The following MITF variants were observed in gnomAD, a reference collection of about 807,000 sequenced individuals.
The protein encoded by MITF is melanocyte inducing transcription factor.
Under a neutral mutation model 60.5 loss-of-function variants are expected in MITF, and 17 were observed. The ratio of observed to expected loss-of-function variants is 0.28; its 90% CI spans 0.19 to 0.42. The LOEUF is 0.42. Ranked by LOEUF, MITF falls within the 10% of genes least tolerant of loss-of-function variation. The pLI, the probability that MITF is intolerant of heterozygous loss-of-function variation, is 1.00. For missense variants in MITF, 622 were observed against 683.5 expected, an observed-to-expected ratio of 0.91 and a Z score of 1.00; for synonymous variants, 260 against 248.5, an observed-to-expected ratio of 1.05 and a Z score of -0.43.
intron 1 of MITF, among the ~76,000 whole-genome samples, chr3:69,793,552 A>ATAGCATGCACCCTCTCCCAATGCTCAG: frequency 6.6e-6 from 1 of 151,932 alleles, no homozygotes; most frequent in Non-Finnish European, 1.5e-5. Flanking sequence ...CCCAATGCTC[A>ATAGCATGCACCCTCTCCCAATGCTCAG]AGTTATGATG....
chr3:69,871,943 T>C (rs919278671), intron 1 of MITF, among the ~76,000 whole-genome samples: 2 of 152,236 alleles, frequency 1.3e-5, no homozygotes, highest in African/African-American at 4.8e-5. Flanking sequence ...CTTTAAGGGA[T>C]GAATTTCTCA....
intron 7 of MITF, among the ~76,000 whole-genome samples, chr3:69,953,932 G>A (rs2066332710): frequency 6.6e-6 from 1 of 152,066 alleles, no homozygotes; most frequent in Admixed American, 6.6e-5. Context: ...GTGTTTATAT[G>A]AATGTATATG....
intron 1 of MITF, among the ~76,000 whole-genome samples, chr3:69,844,709 T>C (rs1218766058): frequency 2.0e-5 from 3 of 152,002 alleles, no homozygotes; most frequent in Non-Finnish European, 2.9e-5. Context: ...GAGAAAATTT[T>C]TGCAATCTAT....
intron 1 of MITF, among the ~76,000 whole-genome samples, chr3:69,826,636 C>A (rs1286974891): frequency 3.3e-5 from 5 of 152,130 alleles, no homozygotes; most frequent in Admixed American, 1.3e-4. Context: ...TGGTCTAGTT[C>A]TTTATGTTCA....
intron 2 of MITF, among the ~76,000 whole-genome samples, chr3:69,905,614 T>A (rs1426171732): frequency 6.6e-6 from 1 of 152,088 alleles, no homozygotes; most frequent in Admixed American, 6.6e-5. Context: ...TGTATGAGAG[T>A]TCTATTTCCT....
At chr3:69,765,618 G>C (rs2062278430) in intron 1 of MITF, among the ~76,000 whole-genome samples, 1 of 152,186 alleles carries the variant, frequency 6.6e-6, no homozygotes, top group African/African-American at 2.4e-5. Flanking sequence ...ATATGTGCTG[G>C]AATATTTGCT....
chr3:69,925,137 G>A (rs1433396169), intron 2 of MITF, among the ~76,000 whole-genome samples: 1 of 152,022 alleles, frequency 6.6e-6, no homozygotes, highest in African/African-American at 2.4e-5. Flanking sequence ...CATTTACTAT[G>A]TGCCAAGTAC....
At position 69,908,454 on chromosome 3, in the gene MITF, G is replaced by T. The variant is rs536205727; in HGVS notation, c.354+29071G>T. ...GTACACCAGCCCCATTTTTTAAAAA[G>T]TACTGAGTAGAAGTTTTTTAAATTT... On this transcript the variant is annotated intron_variant, in intron 2 of 9. Transcript: ENST00000352241. Among the ~76,000 whole-genome samples, 5 of 152,138 alleles carry T rather than the reference G, an allele frequency of 3.3e-5. No homozygotes were observed. The South Asian group carries it at 1.0e-3, about 32-fold the overall frequency.
intron 1 of MITF, among the ~76,000 whole-genome samples, chr3:69,750,179 T>C (rs1362233430): frequency 6.6e-6 from 1 of 152,142 alleles, no homozygotes; most frequent in Non-Finnish European, 1.5e-5. Flanking sequence ...TGGGTTCATA[T>C]ACCTGATACC....
intron 5 of MITF, among the ~76,000 whole-genome samples, chr3:69,943,077 T>TA (rs2066007223): frequency 1.3e-5 from 2 of 150,220 alleles, no homozygotes; most frequent in African/African-American, 4.9e-5. Flanking sequence ...CTCCTCTTTT[T>TA]TTTTTTTTTT....
intron 7 of MITF, among the ~76,000 whole-genome samples, chr3:69,956,055 A>G (rs928101694): frequency 6.6e-6 from 1 of 152,204 alleles, no homozygotes; most frequent in Non-Finnish European, 1.5e-5. Flanking sequence ...CAGAAGTACT[A>G]ACTTCCTGGC....
chr3:69,778,780 A>C (rs1201050834), intron 1 of MITF: 1 of 152,206 alleles, frequency 6.6e-6, no homozygotes, highest in African/African-American at 2.4e-5. Context: ...CCCTGATTAA[A>C]ATTCTCAACT....
At chr3:69,769,344 A>G (rs2062355706) in intron 1 of MITF, 1 of 152,184 alleles carries the variant, frequency 6.6e-6, no homozygotes, top group African/African-American at 2.4e-5. Flanking sequence ...TAGCACTCAT[A>G]TCTTACTCAA....
intron 1 of MITF, among the ~76,000 whole-genome samples, chr3:69,808,623 G>C (rs191743735): frequency 2.0e-5 from 3 of 152,112 alleles, no homozygotes; most frequent in African/African-American, 7.2e-5. Context: ...AAGGGAGTAC[G>C]GTGTGACCAA....
At chr3:69,866,216 A>G (rs899474094) in intron 1 of MITF, 10 of 1,603,384 alleles carry the variant, frequency 6.2e-6, no homozygotes, top group Non-Finnish European at 8.5e-6. Flanking sequence ...ACCCCTAGTG[A>G]CACAGCCAGT....
At chr3:69,787,541 GAA>G (rs1189929226) in intron 1 of MITF, among the ~76,000 whole-genome samples, 1 of 152,152 alleles carries the variant, frequency 6.6e-6, no homozygotes, top group Non-Finnish European at 1.5e-5. Context: ...TCCACTTTTT[GAA>G]AAGTCTTGGT....
intron 2 of MITF, among the ~76,000 whole-genome samples, chr3:69,888,562 A>G (rs1312979679): frequency 3.3e-5 from 5 of 151,980 alleles, no homozygotes; most frequent in Non-Finnish European, 7.4e-5. Context: ...ACATTGACTT[A>G]GCACACGCCG....
intron 1 of MITF, among the ~76,000 whole-genome samples, chr3:69,832,916 A>G (rs1217389033): frequency 1.3e-5 from 2 of 152,094 alleles, no homozygotes; most frequent in South Asian, 2.1e-4. Flanking sequence ...GTTACACTGT[A>G]TGTGGTTATA....
intron 2 of MITF, among the ~76,000 whole-genome samples, chr3:69,931,756 C>G (rs957564131): frequency 2.6e-5 from 4 of 152,090 alleles, no homozygotes; most frequent in Non-Finnish European, 5.9e-5. Flanking sequence ...GAATATGCAC[C>G]TGGAATACAC....
Sources: gnomAD v4.1 joint callset for allele counts (sites outside exome capture counted in the v4.1 genomes callset) on GRCh38, gnomAD v4.1.1 for gene constraint, MANE v1.5 for transcripts, NCBI Gene and HGNC (gene_info 2026-07-23, HGNC 2026-07-21) for gene names.